The following FER variants were observed in gnomAD, a reference collection of about 807,000 sequenced individuals.
The protein encoded by FER is FER tyrosine kinase, also known as tyrosine-protein kinase Fer.
A neutral mutation model predicts 111.0 loss-of-function variants in FER; 63 were observed. The ratio of observed to expected loss-of-function variants is 0.57; its 90% CI spans 0.46 to 0.70. The LOEUF is 0.70. Among genes scored for constraint, FER ranks in the 30% least tolerant of loss-of-function variants. The pLI, the probability that FER is intolerant of heterozygous loss-of-function variation, is 0.00. For synonymous variants in FER, 327 were observed against 313.9 expected, an observed-to-expected ratio of 1.04 and a Z score of -0.44; for missense variants, 914 against 954.0, an observed-to-expected ratio of 0.96 and a Z score of 0.55.
At chr5:109,116,813 A>T (rs1378831231) in intron 17 of FER, among the ~76,000 whole-genome samples, 1 of 152,174 alleles carries the variant, frequency 6.6e-6, no homozygotes, top group Middle Eastern at 3.2e-3. Context: ...ACATAATGTC[A>T]TTTTCCACTT....
chr5:109,021,339 G>C (rs530105037), intron 13 of FER, among the ~76,000 whole-genome samples: 1 of 152,008 alleles, frequency 6.6e-6, no homozygotes, highest in African/African-American at 2.4e-5. Flanking sequence ...TTTTAGTGTT[G>C]AAATCAACAA....
Position 108,751,373 on chromosome 5 carries a change from A to C in FER, c.-206+3373A>C, listed in dbSNP as rs535536966. The stretch of plus-strand genomic sequence containing the variant: ...TTAATTACATGAGACTATTCAAAGC[A>C]ATCTTGTGAGTGAGGTAGGAAGTCA... On this transcript the variant is annotated intron_variant, in intron 1 of 19. Coordinates refer to ENST00000281092, the MANE Select transcript of FER (RefSeq NM_005246.4). 2.2e-4 allele frequency among the ~76,000 whole-genome samples: 33 copies of C among 152,320 alleles called. 1 individual carries two copies. In the Middle Eastern group the frequency reaches 0.02, roughly 94 times the overall value.
chr5:109,138,100 C>T (rs547393041), intron 17 of FER, among the ~76,000 whole-genome samples: 82 of 152,126 alleles, frequency 5.4e-4, no homozygotes, highest in Non-Finnish European at 7.2e-4. Flanking sequence ...GAGAGAATGC[C>T]ATATGTAGGG....
At chr5:109,113,960 G>GA (rs1178061895) in intron 17 of FER, among the ~76,000 whole-genome samples, 3 of 152,052 alleles carry the variant, frequency 2.0e-5, no homozygotes, top group African/African-American at 7.2e-5. Flanking sequence ...TAAAAAAATA[G>GA]AAAACTATAT....
chr5:108,857,955 A>G (rs1405062856), intron 5 of FER, among the ~76,000 whole-genome samples: 2 of 152,146 alleles, frequency 1.3e-5, no homozygotes, highest in African/African-American at 4.8e-5. Flanking sequence ...CCATTTCTCT[A>G]TGAAACCCTA....
At chr5:109,157,983 A>G (rs1232730206) in intron 17 of FER, among the ~76,000 whole-genome samples, 1 of 152,138 alleles carries the variant, frequency 6.6e-6, no homozygotes, top group Admixed American at 6.6e-5. Flanking sequence ...GAAAGTAACA[A>G]TGCTGGAGTT....
intron 5 of FER, among the ~76,000 whole-genome samples, chr5:108,857,332 T>C (rs1053674407): frequency 3.3e-5 from 5 of 152,140 alleles, no homozygotes; most frequent in African/African-American, 1.2e-4. Context: ...TTTGTTTTTC[T>C]GCATAATATT....
chr5:108,986,248 G>A (rs561149216), intron 13 of FER, among the ~76,000 whole-genome samples: 4 of 148,904 alleles, frequency 2.7e-5, no homozygotes, highest in Admixed American at 1.3e-4. Flanking sequence ...GTTGAGAATT[G>A]TCTATTCATG....
chr5:108,911,703 C>A lies in FER; in HGVS notation c.1236+13855C>A, dbSNP rs151075891. 2.0e-4 allele frequency among the ~76,000 whole-genome samples: 30 copies of A among 152,174 alleles called. No individual in the cohort carries two copies. The East Asian group carries it at 5.4e-3, about 27-fold the overall frequency. The stretch of plus-strand genomic sequence containing the variant: ...ATATTGCTAGCCAATTTTCAGAGCA[C>A]CATTTATTGGATAGGGTAGCCTTTC... On this transcript the variant is annotated intron_variant, in intron 10 of 19. Transcript: ENST00000281092.
At chr5:108,993,565 ACCGTG>A (rs1276807198) in intron 13 of FER, among the ~76,000 whole-genome samples, 1 of 129,142 alleles carries the variant, frequency 7.7e-6, no homozygotes, top group East Asian at 2.2e-4. Flanking sequence ...GGAGAGGGAG[ACCGTG>A]GGGAGAGGGA....
chr5:109,051,162 T>C (rs1772741268), intron 16 of FER, among the ~76,000 whole-genome samples: 1 of 152,184 alleles, frequency 6.6e-6, no homozygotes, highest in South Asian at 2.1e-4. Flanking sequence ...TGAACCTAGG[T>C]ATTCTAATGT....
At chr5:108,947,814 A>G (rs1195391921) in intron 11 of FER, among the ~76,000 whole-genome samples, 2 of 151,652 alleles carry the variant, frequency 1.3e-5, no homozygotes, top group Non-Finnish European at 2.9e-5. Context: ...TCTTCCACTT[A>G]TATCTTTGTT....
intron 18 of FER, among the ~76,000 whole-genome samples, chr5:109,183,331 C>T (rs990641443): frequency 6.7e-6 from 1 of 148,912 alleles, no homozygotes. Context: ...TCACGGCAAC[C>T]TCTGCCTCCT....
intron 3 of FER, among the ~76,000 whole-genome samples, chr5:108,826,302 G>C (rs979434273): frequency 3.9e-5 from 6 of 152,248 alleles, no homozygotes; most frequent in Admixed American, 1.3e-4. Context: ...ACTTGGTCAT[G>C]GTATATGATC....
chr5:108,842,728 A>AAAAAC (rs755393579), intron 5 of FER: 21 of 152,194 alleles, frequency 1.4e-4, no homozygotes, highest in African/African-American at 4.3e-4. Context: ...GCCATAATAC[A>AAAAAC]AAAACAAAAC....
intron 17 of FER, among the ~76,000 whole-genome samples, chr5:109,135,955 A>G (rs1752850736): frequency 2.0e-5 from 3 of 152,000 alleles, no homozygotes; most frequent in Admixed American, 2.0e-4. Context: ...CCCATAAAGC[A>G]TATACTGCTA....
intron 10 of FER, among the ~76,000 whole-genome samples, chr5:108,916,570 G>A (rs1752299559): frequency 1.3e-5 from 2 of 152,024 alleles, no homozygotes; most frequent in Admixed American, 1.3e-4. Flanking sequence ...TAATTATGTT[G>A]TGGGTATTTA....
intron 13 of FER, among the ~76,000 whole-genome samples, chr5:109,030,872 C>G (rs1476295072): frequency 1.3e-5 from 2 of 152,122 alleles, no homozygotes; most frequent in Non-Finnish European, 2.9e-5. Flanking sequence ...ACTTCTCTTG[C>G]CAATGCAACT....
intron 17 of FER, among the ~76,000 whole-genome samples, chr5:109,102,013 G>T (rs867004094): frequency 6.6e-6 from 1 of 151,600 alleles, no homozygotes; most frequent in Non-Finnish European, 1.5e-5. Flanking sequence ...TTAATTTCTG[G>T]GACATTGCAT....
Sources: gnomAD v4.1 joint callset for allele counts (sites outside exome capture counted in the v4.1 genomes callset) on GRCh38, gnomAD v4.1.1 for gene constraint, MANE v1.5 for transcripts, NCBI Gene and HGNC (gene_info 2026-07-23, HGNC 2026-07-21) for gene names.